Variants in ADAMTSL1 observed in about 807,000 individuals in gnomAD.
ADAMTSL1 encodes the protein ADAMTS like 1, also known as ADAMTS-like protein 1.
A neutral mutation model predicts 201.8 loss-of-function variants in ADAMTSL1; 126 were observed. The observed-to-expected ratio is 0.62, with a 90% CI of 0.54 to 0.72. ADAMTSL1 has a LOEUF of 0.72. ADAMTSL1 is among the 30% of genes least tolerant of loss of function. ADAMTSL1 has a pLI of 0.00. For missense variants in ADAMTSL1, 2,679 were observed against 2,277.8 expected (o/e 1.18, Z -3.59); for synonymous variants, 1,121 against 903.4 (o/e 1.24, Z -4.32).
In ADAMTSL1 at chr9:18,099,349, ATATATATTTTTTTTTT is replaced by A. The variant is rs1439115782; in HGVS notation, c.88-64511_88-64496del. On this transcript the variant is annotated intron_variant, in intron 1 of 29. Coordinates refer to the ADAMTSL1 transcript ENST00000680146. ...AAAATATATATATATATATATATAT[ATATATATTTTTTTTTT>A]TTTTTTTAACATCCATTAATTTTAC... Among the ~76,000 whole-genome samples, 53 of 49,296 alleles carry A rather than the reference ATATATATTTTTTTTTT, an allele frequency of 1.1e-3. 1 individual carries two copies. The highest frequency in any genetic ancestry group is 3.3e-3 in the African/African-American group (49 of 14,946). The allele number at this position is 49,296 out of a possible 152,430, so 32.3% of individuals were successfully genotyped here.
chr9:18,868,573 C>T (rs893628405), intron 23 of ADAMTSL1, among the ~76,000 whole-genome samples: 2 of 152,220 alleles, frequency 1.3e-5, no homozygotes, highest in African/African-American at 4.8e-5. Context: ...TCAACAATTA[C>T]ATTCCACTCT....
chr9:18,577,079 T>C (rs1488408819), intron 4 of ADAMTSL1, among the ~76,000 whole-genome samples: 1 of 152,208 alleles, frequency 6.6e-6, no homozygotes, highest in Non-Finnish European at 1.5e-5. Flanking sequence ...TTAAGACCTG[T>C]CTTCCAGAAA....
chr9:18,512,232 G>C (rs1221803039), intron 2 of ADAMTSL1, among the ~76,000 whole-genome samples: 1 of 151,896 alleles, frequency 6.6e-6, no homozygotes, highest in Non-Finnish European at 1.5e-5. Flanking sequence ...ATATATCTTA[G>C]GGGGGTGTAT....
intron 4 of ADAMTSL1, among the ~76,000 whole-genome samples, chr9:18,614,470 T>C (rs1279154738): frequency 6.6e-6 from 1 of 152,154 alleles, no homozygotes; most frequent in Admixed American, 6.5e-5. Flanking sequence ...ATAGACACAA[T>C]TGTAGCTAAT....
At chr9:18,083,701 C>G (rs1431519290) in intron 1 of ADAMTSL1, among the ~76,000 whole-genome samples, 1 of 152,198 alleles carries the variant, frequency 6.6e-6, no homozygotes, top group Non-Finnish European at 1.5e-5. Flanking sequence ...GCCTGCTATT[C>G]AGAGTTATGT....
intron 2 of ADAMTSL1, among the ~76,000 whole-genome samples, chr9:18,339,754 T>G (rs952519283): frequency 6.6e-6 from 1 of 152,146 alleles, no homozygotes; most frequent in African/African-American, 2.4e-5. Context: ...TATCCCCTTT[T>G]CTTCTACCTC....
intron 1 of ADAMTSL1, among the ~76,000 whole-genome samples, chr9:18,000,695 A>T (rs1053995197): frequency 6.6e-6 from 1 of 152,096 alleles, no homozygotes; most frequent in Non-Finnish European, 1.5e-5. Flanking sequence ...CAATTGAAAC[A>T]GATTTTGGTT....
chr9:18,287,324 CACACACACACGTGTGTGTATATAT>C (rs1563859454), intron 2 of ADAMTSL1, among the ~76,000 whole-genome samples: 1 of 143,456 alleles, frequency 7.0e-6, no homozygotes, highest in South Asian at 2.1e-4. Context: ...TGTATGTATA[CACACACACACGTGTGTGTATATAT>C]ACACATACAT....
intron 2 of ADAMTSL1, among the ~76,000 whole-genome samples, chr9:18,173,915 CT>C (rs1203458590): frequency 6.6e-6 from 1 of 152,068 alleles, no homozygotes; most frequent in African/African-American, 2.4e-5. Flanking sequence ...TGAACTCCAA[CT>C]TTTTTTCTTC....
chr9:17,915,184 T>G (rs1307039235), intron 1 of ADAMTSL1, among the ~76,000 whole-genome samples: 1 of 152,184 alleles, frequency 6.6e-6, no homozygotes, highest in Non-Finnish European at 1.5e-5. Flanking sequence ...TCCTCCCTCC[T>G]GTCCTTGAGT....
chr9:18,794,408 A>AG (rs1822241771), intron 19 of ADAMTSL1, among the ~76,000 whole-genome samples: 1 of 85,888 alleles, frequency 1.2e-5, no homozygotes, highest in Non-Finnish European at 2.4e-5. Context: ...CTGTCTCAAA[A>AG]AAAAAAAACA....
rs564012017 is a variant in ADAMTSL1 at position 18,168,543 on chromosome 9, G to T, written c.207+4562G>T. Among the ~76,000 whole-genome samples the T allele has an allele frequency of 1.4e-3, 209 of 151,714 alleles. 2 individuals carry two copies. Among genetic ancestry groups the T allele is most frequent in the African/African-American group, 4.9e-3 (203 of 41,386 alleles). On this transcript the variant is annotated intron_variant, in intron 2 of 29. Transcript: ENST00000680146. ...TCTATCATTGTTGGACATTTGGGTT[G>T]GTTCCAAGTCTTTGCTATTGTGAAT... is the stretch of plus-strand genomic sequence containing the variant.
intron 20 of ADAMTSL1, among the ~76,000 whole-genome samples, chr9:18,812,541 C>T (rs1315476694): frequency 6.6e-6 from 1 of 152,086 alleles, no homozygotes; most frequent in Non-Finnish European, 1.5e-5. Context: ...AGTTCTTAAA[C>T]TTGCTATCAA....
chr9:18,794,282 C>A (rs1164677304), intron 19 of ADAMTSL1, among the ~76,000 whole-genome samples: 2 of 151,870 alleles, frequency 1.3e-5, no homozygotes, highest in East Asian at 3.9e-4. Context: ...GGTAGTGCAC[C>A]CCTGTGGTCT....
intron 1 of ADAMTSL1, among the ~76,000 whole-genome samples, chr9:18,069,764 T>G (rs1051995835): frequency 6.6e-6 from 1 of 152,206 alleles, no homozygotes; most frequent in Non-Finnish European, 1.5e-5. Context: ...GAAGCCATAG[T>G]GTTGAAACTG....
rs71333035 is a variant in ADAMTSL1, at chr9:18,291,697, G to GCT, written c.207+127733_207+127734dup. On this transcript the variant is annotated intron_variant, in intron 2 of 29. Coordinates refer to the ADAMTSL1 transcript ENST00000680146. ...CTCTCTCTCTCTCGGGTGCGCACATGCTCTCTCTCTCTCTCTCTTTCTCTC... is the reference window on the plus strand; with the variant it reads ...CTCTCTCTCTCTCGGGTGCGCACATGCTCTCTCTCTCTCTCTCTCTTTCTCTC... Among the ~76,000 whole-genome samples, 223 of 132,546 alleles carry GCT rather than the reference G, an allele frequency of 1.7e-3. 1 individual carries two copies. Among genetic ancestry groups the GCT allele is most frequent in the East Asian group, 0.015 (67 of 4,544 alleles). The allele number at this position is 132,546 out of a possible 152,430, so 87.0% of individuals were successfully genotyped here. A position where few individuals can be genotyped will look rare whatever the true frequency, so the allele number is the denominator to read the frequency against.
chr9:18,564,732 G>C (rs1390054511), intron 3 of ADAMTSL1, among the ~76,000 whole-genome samples: 1 of 152,170 alleles, frequency 6.6e-6, no homozygotes, highest in Non-Finnish European at 1.5e-5. Flanking sequence ...GGAGGTGGGA[G>C]AGAACACTTA....
chr9:18,194,461 G>A (rs766452713), intron 2 of ADAMTSL1, among the ~76,000 whole-genome samples: 20 of 151,998 alleles, frequency 1.3e-4, no homozygotes, highest in Non-Finnish European at 2.1e-4. Flanking sequence ...GGTCCCCTGC[G>A]CTGGTCCTCC....
At chr9:18,220,166 T>C (rs1357869362) in intron 2 of ADAMTSL1, among the ~76,000 whole-genome samples, 1 of 152,148 alleles carries the variant, frequency 6.6e-6, no homozygotes, top group Non-Finnish European at 1.5e-5. Context: ...TCTTTACTAA[T>C]TTTTCACCTG....
Sources: gnomAD v4.1 joint callset for allele counts (sites outside exome capture counted in the v4.1 genomes callset) on GRCh38, gnomAD v4.1.1 for gene constraint, MANE v1.5 for transcripts, NCBI Gene and HGNC (gene_info 2026-07-23, HGNC 2026-07-21) for gene names.